Variants in BLTP1 observed in about 807,000 individuals in gnomAD.
The protein encoded by BLTP1 is fragile site-associated protein.
chr4:122,181,475 A>G, the BLTP1 span, among the ~76,000 whole-genome samples: 2 of 152,148 alleles, frequency 1.3e-5, no homozygotes, highest in African/African-American at 4.8e-5. Context: ...CCACCAAGAA[A>G]CATCAACTTC....
chr4:122,262,042 G>T, the BLTP1 span: 19 of 978,094 alleles, frequency 1.9e-5, no homozygotes, highest in South Asian at 4.7e-5. Flanking sequence ...TCTGACTCCC[G>T]TAAAAAAATG....
chr4:122,172,616 G>T, the BLTP1 span, among the ~76,000 whole-genome samples: 1 of 152,080 alleles, frequency 6.6e-6, no homozygotes, highest in African/African-American at 2.4e-5. Flanking sequence ...TTAAAGCAGA[G>T]ATTTTAAAAA....
chr4:122,249,924 T>A, the BLTP1 span: 6 of 984,532 alleles, frequency 6.1e-6, no homozygotes, highest in South Asian at 2.8e-4. Context: ...TTTTTCCGAA[T>A]AAATTCCCAA....
At chr4:122,197,405 C>G in the BLTP1 span, 1 of 933,412 alleles carries the variant, frequency 1.1e-6, no homozygotes, top group Non-Finnish European at 1.4e-6. Flanking sequence ...TTTTGATGTG[C>G]CTATACTCAT....
the BLTP1 span, among the ~76,000 whole-genome samples, chr4:122,293,792 G>A: frequency 3.3e-4 from 50 of 152,292 alleles, no homozygotes; most frequent in Non-Finnish European, 4.3e-4. Flanking sequence ...AATTCCAGCC[G>A]GCCAACAGCA....
the BLTP1 span, chr4:122,240,454 T>C: frequency 1.0e-6 from 1 of 979,714 alleles, no homozygotes; most frequent in Non-Finnish European, 1.5e-6. Context: ...TAGCTACCTT[T>C]CTGAGAGAGA....
At chr4:122,186,953 A>G in the BLTP1 span, 1 of 931,076 alleles carries the variant, frequency 1.1e-6, no homozygotes, top group Non-Finnish European at 1.3e-6. Flanking sequence ...TTAAGGGAAA[A>G]TTAATTTGGC....
the BLTP1 span, chr4:122,344,586 T>C: frequency 6.7e-7 from 1 of 1,491,394 alleles, no homozygotes; most frequent in Non-Finnish European, 9.3e-7. Flanking sequence ...AGTTTTTAAA[T>C]TAAAATACTG....
At chr4:122,330,914 G>T in the BLTP1 span, 8 of 793,060 alleles carry the variant, frequency 1.0e-5, no homozygotes, top group African/African-American at 5.6e-5. Flanking sequence ...CATTTTTTTT[G>T]ATGTGGATAT....
chr4:122,292,428 A>G, the BLTP1 span: 2 of 833,194 alleles, frequency 2.4e-6, no homozygotes, highest in African/African-American at 3.7e-5. Flanking sequence ...TTCAAAGTGA[A>G]AGTGTGCTAA....
the BLTP1 span, chr4:122,180,023 T>G: frequency 1.2e-6 from 1 of 861,628 alleles, no homozygotes; most frequent in Non-Finnish European, 1.3e-6. Context: ...TACACGTGCA[T>G]GTACACACAC....
the BLTP1 span, chr4:122,298,319 G>A: frequency 5.4e-6 from 3 of 558,256 alleles, no homozygotes; most frequent in Non-Finnish European, 6.8e-6. Flanking sequence ...TGCCTATAGA[G>A]CCAAGAGAAA....
chr4:122,314,052 A>G, the BLTP1 span: 1 of 967,556 alleles, frequency 1.0e-6, no homozygotes, highest in Admixed American at 6.2e-5. Flanking sequence ...TGCTATTGAA[A>G]TGTATAAAAA....
the BLTP1 span, chr4:122,269,624 T>G: frequency 3.0e-6 from 3 of 985,206 alleles, no homozygotes; most frequent in Non-Finnish European, 3.6e-6. Flanking sequence ...ATTGTCTGGG[T>G]TTTTTGTTTG....
At chr4:122,325,181 T>A in the BLTP1 span, 1 of 1,527,168 alleles carries the variant, frequency 6.5e-7, no homozygotes, top group Non-Finnish European at 8.9e-7. Flanking sequence ...AGTCCAGGAA[T>A]TTTTTTAATG....
the BLTP1 span, chr4:122,276,277 CT>C: frequency 1.6e-5 from 6 of 379,918 alleles, no homozygotes; most frequent in Admixed American, 5.2e-5. Context: ...TTGCTTGTGC[CT>C]TTTCAGACAT....
At chr4:122,243,938 A>G in the BLTP1 span, 1 of 1,611,336 alleles carries the variant, frequency 6.2e-7, no homozygotes. Flanking sequence ...TGGATCAACC[A>G]GTGTCCCAGA....
the BLTP1 span, chr4:122,201,228 C>G: frequency 1.2e-6 from 1 of 840,626 alleles, no homozygotes; most frequent in Non-Finnish European, 1.7e-6. Context: ...TGATATGATT[C>G]ATATTTTCTT....
At chr4:122,204,452 T>C in the BLTP1 span, 1 of 849,502 alleles carries the variant, frequency 1.2e-6, no homozygotes, top group Non-Finnish European at 1.4e-6. Context: ...TATCCCTGAG[T>C]TAATAATGAG....
Sources: allele counts gnomAD v4.1 joint callset (sites outside exome capture counted in the v4.1 genomes callset), GRCh38; gene constraint gnomAD v4.1.1; transcripts MANE v1.5; gene names NCBI Gene and HGNC (gene_info 2026-07-23, HGNC 2026-07-21).